KLHL29: variants seen among roughly 807,000 people sequenced by gnomAD.
KLHL29 encodes the protein kelch like family member 29.
KLHL29 carries 21 observed loss-of-function variants against 80.4 expected under a neutral mutation model. The ratio of observed to expected loss-of-function variants is 0.26; its 90% CI spans 0.19 to 0.38. KLHL29 has a LOEUF of 0.38. KLHL29 is among the 10% of genes least tolerant of loss of function. The probability of loss-of-function intolerance (pLI) is 1.00; values close to 1 mark genes in which losing one functional copy is unlikely to be tolerated. For missense variants in KLHL29, 867 were observed against 1,223.9 expected (o/e 0.71, Z 4.35); for synonymous variants, 511 against 526.8 (o/e 0.97, Z 0.41).
chr2:23,603,543 CT>C (rs1321722403), intron 3 of KLHL29, among the ~76,000 whole-genome samples: 2 of 152,186 alleles, frequency 1.3e-5, no homozygotes, highest in African/African-American at 4.8e-5. Flanking sequence ...AGGCCCAGGC[CT>C]TTTGAAAGGC....
intron 1 of KLHL29, among the ~76,000 whole-genome samples, chr2:23,456,693 C>T (rs1280377999): frequency 6.6e-6 from 1 of 152,194 alleles, no homozygotes; most frequent in Admixed American, 6.5e-5. Flanking sequence ...CTGAATGCAG[C>T]GTTATCGCTG....
chr2:23,536,916 ACACT>A lies in KLHL29; in HGVS notation c.-45-25234_-45-25231del, dbSNP rs1461323742. Among the ~76,000 whole-genome samples the A allele has an allele frequency of 4.9e-4, 26 of 52,656 alleles. 1 individual carries two copies. The highest frequency in any genetic ancestry group is 1.9e-3 in the African/African-American group (22 of 11,314). The allele number at this position is 52,656 out of a possible 152,430, so 34.5% of individuals were successfully genotyped here. On this transcript the variant is annotated intron_variant, in intron 2 of 13. Transcript: ENST00000486442. ...CACACACACACACACACACACACAC[ACACT>A]CTCTCTCTCCCTCTCTCGCTCTCTC... is the stretch of plus-strand genomic sequence containing the variant.
chr2:23,678,107 T>G (rs1670972508), intron 5 of KLHL29, among the ~76,000 whole-genome samples: 1 of 152,246 alleles, frequency 6.6e-6, no homozygotes, highest in Non-Finnish European at 1.5e-5. Context: ...CCCATTAGTC[T>G]CTGACAAATA....
chr2:23,563,965 G>A (rs532971194), intron 3 of KLHL29, among the ~76,000 whole-genome samples: 17 of 152,374 alleles, frequency 1.1e-4, no homozygotes, highest in Non-Finnish European at 2.2e-4. Flanking sequence ...GTCTGACTCA[G>A]TGACCTCTGC....
intron 2 of KLHL29, among the ~76,000 whole-genome samples, chr2:23,520,951 C>T (rs1358053269): frequency 6.6e-6 from 1 of 151,704 alleles, no homozygotes; most frequent in Admixed American, 6.6e-5. Flanking sequence ...TTCTTTCCTC[C>T]ATATACAAAT....
Position 23,696,114 on chromosome 2 carries a change from G to C in KLHL29, c.1905G>C (p.Gly635=). Residue 635 remains glycine (G), a synonymous_variant, in exon 10 of 14, where the codon GGG becomes GGC. Coordinates refer to ENST00000486442, the MANE Select transcript of KLHL29 (RefSeq NM_052920.2). The surrounding 1 kb of genome is among the most constrained non-coding windows in gnomAD (Gnocchi z 5.5). ...DREFFSVVSA[G]DNIYLSGGME... ...AGTTCTTCAGTGTAGTGAGTGCAGG[G>C]GACAACATCTACCTCTCAGGTGAGG... 6.4e-7 allele frequency: 1 copy of C among 1,551,674 alleles called. No individual in the cohort carries two copies. The highest frequency in any genetic ancestry group is 8.7e-7 in the Non-Finnish European group (1 of 1,146,930).
At chr2:23,573,004 T>C (rs912961337) in intron 3 of KLHL29, among the ~76,000 whole-genome samples, 12 of 152,344 alleles carry the variant, frequency 7.9e-5, no homozygotes, top group African/African-American at 2.9e-4. Context: ...CAGTAATTTC[T>C]GTGGGTGCCG....
At chr2:23,637,488 T>G (rs1049217626) in intron 3 of KLHL29, among the ~76,000 whole-genome samples, 2 of 152,152 alleles carry the variant, frequency 1.3e-5, no homozygotes, top group Admixed American at 1.3e-4. Flanking sequence ...TCTCAGGAGA[T>G]TCACCCTTTT....
At chr2:23,588,175 C>T (rs1390777886) in intron 3 of KLHL29, among the ~76,000 whole-genome samples, 1 of 152,158 alleles carries the variant, frequency 6.6e-6, no homozygotes, top group Non-Finnish European at 1.5e-5. Flanking sequence ...GTGCCAGTGC[C>T]TGCTCCTCCT....
At chr2:23,466,601 G>A (rs963027941) in intron 1 of KLHL29, among the ~76,000 whole-genome samples, 2 of 152,152 alleles carry the variant, frequency 1.3e-5, no homozygotes, top group Non-Finnish European at 2.9e-5. Flanking sequence ...GGAGAGGAGG[G>A]AAATTTGTAT....
chr2:23,524,443 A>G (rs1666228090), intron 2 of KLHL29: 1 of 170,578 alleles, frequency 5.9e-6, no homozygotes, highest in Admixed American at 5.7e-5. Context: ...AGTCACGGTG[A>G]TGGATGTTCA....
chr2:23,557,927 G>GC (rs572062778), intron 2 of KLHL29, among the ~76,000 whole-genome samples: 2 of 152,080 alleles, frequency 1.3e-5, no homozygotes, highest in Non-Finnish European at 2.9e-5. Context: ...AAAGATTCAC[G>GC]CCCCCAGTAT....
intron 3 of KLHL29, among the ~76,000 whole-genome samples, chr2:23,630,639 C>T (rs764289258): frequency 3.3e-5 from 5 of 152,084 alleles, no homozygotes; most frequent in African/African-American, 4.8e-5. Context: ...CACACACCAC[C>T]ACACCCAGCT....
intron 2 of KLHL29, among the ~76,000 whole-genome samples, chr2:23,551,077 C>T (rs1027893345): frequency 6.6e-6 from 1 of 152,204 alleles, no homozygotes; most frequent in South Asian, 2.1e-4. Context: ...ATTGGTTATT[C>T]GTAATGACAA....
chr2:23,414,494 C>A (rs1666940192), intron 1 of KLHL29, among the ~76,000 whole-genome samples: 1 of 152,214 alleles, frequency 6.6e-6, no homozygotes, highest in Non-Finnish European at 1.5e-5. Context: ...GGAGTGGGTT[C>A]AGGCTGGCTG....
chr2:23,615,299 C>G (rs1037744672), intron 3 of KLHL29, among the ~76,000 whole-genome samples: 13 of 152,222 alleles, frequency 8.5e-5, no homozygotes, highest in Admixed American at 8.5e-4. Flanking sequence ...GCCTCACTCT[C>G]ACGTCCATTT....
chr2:23,412,420 G>A (rs1014406248), intron 1 of KLHL29, among the ~76,000 whole-genome samples: 4 of 152,212 alleles, frequency 2.6e-5, no homozygotes, highest in Non-Finnish European at 5.9e-5. Flanking sequence ...GGACAGAGAA[G>A]GAAGAGGAGA....
intron 3 of KLHL29, among the ~76,000 whole-genome samples, chr2:23,577,314 G>C (rs537488067): frequency 6.6e-6 from 1 of 152,118 alleles, no homozygotes; most frequent in Non-Finnish European, 1.5e-5. Flanking sequence ...AGCCGGGCAT[G>C]GTGGTATGAG....
intron 1 of KLHL29, among the ~76,000 whole-genome samples, chr2:23,475,217 C>G: frequency 6.6e-6 from 1 of 152,016 alleles, no homozygotes; most frequent in Non-Finnish European, 1.5e-5. Flanking sequence ...CCATTGTTCT[C>G]TCTGTTATTC....
Sources: allele counts gnomAD v4.1 joint callset (sites outside exome capture counted in the v4.1 genomes callset), GRCh38; gene constraint gnomAD v4.1.1; non-coding constraint Gnocchi (gnomAD v3.1); transcripts MANE v1.5; gene names NCBI Gene and HGNC (gene_info 2026-07-23, HGNC 2026-07-21).